The following PBX3 variants were observed in gnomAD, a reference collection of about 807,000 sequenced individuals.
PBX3 encodes PBX homeobox 3.
Under a neutral mutation model 48.5 loss-of-function variants are expected in PBX3, and 14 were observed. The ratio of observed to expected loss-of-function variants is 0.29; its 90% CI spans 0.19 to 0.45. PBX3 has a LOEUF of 0.45. Among genes scored for constraint, PBX3 ranks in the 20% least tolerant of loss-of-function variants. The probability of loss-of-function intolerance (pLI) is 1.00; values close to 1 mark genes in which losing one functional copy is unlikely to be tolerated. For synonymous variants in PBX3, 210 were observed against 200.3 expected, an observed-to-expected ratio of 1.05 and a Z score of -0.41; for missense variants, 386 against 546.7, an observed-to-expected ratio of 0.71 and a Z score of 2.93.
chr9:125,935,957 C>T (rs1841826532), intron 5 of PBX3, among the ~76,000 whole-genome samples: 1 of 152,186 alleles, frequency 6.6e-6, no homozygotes, highest in Admixed American at 6.5e-5. Context: ...ACCTAAGCTT[C>T]TACCAGCAAG....
At chr9:125,895,292 G>T (rs551895573) in intron 2 of PBX3, among the ~76,000 whole-genome samples, 1 of 152,146 alleles carries the variant, frequency 6.6e-6, no homozygotes. Context: ...TGTTATTTAA[G>T]AATGTACACA....
intron 2 of PBX3, among the ~76,000 whole-genome samples, chr9:125,860,761 C>T (rs929618218): frequency 8.6e-5 from 13 of 151,604 alleles, no homozygotes; most frequent in Admixed American, 8.5e-4. Context: ...TTGGCAGGCA[C>T]CTGTAGTCGT....
At chr9:125,833,173 T>G (rs1393488390) in intron 2 of PBX3, among the ~76,000 whole-genome samples, 1 of 152,022 alleles carries the variant, frequency 6.6e-6, no homozygotes, top group East Asian at 1.9e-4. Context: ...TCCTGCAATA[T>G]GCTAAGAATG....
intron 2 of PBX3, among the ~76,000 whole-genome samples, chr9:125,879,905 A>G (rs997450602): frequency 2.6e-5 from 4 of 152,190 alleles, no homozygotes; most frequent in Non-Finnish European, 5.9e-5. Flanking sequence ...TCTCTGGGAA[A>G]GTCCTTAGAT....
At chr9:125,876,541 T>C (rs1228130285) in intron 2 of PBX3, among the ~76,000 whole-genome samples, 1 of 152,220 alleles carries the variant, frequency 6.6e-6, no homozygotes, top group African/African-American at 2.4e-5. Context: ...AATAACATTT[T>C]ATTTTCTGTA....
intron 2 of PBX3, among the ~76,000 whole-genome samples, chr9:125,776,348 G>C (rs561934514): frequency 2.0e-5 from 3 of 151,984 alleles, no homozygotes; most frequent in South Asian, 2.1e-4. Context: ...TCCTTGATTG[G>C]TTTTGTGTGT....
intron 3 of PBX3, among the ~76,000 whole-genome samples, chr9:125,927,179 C>G (rs1841596666): frequency 6.6e-6 from 1 of 152,166 alleles, no homozygotes; most frequent in African/African-American, 2.4e-5. Context: ...CAACATAACT[C>G]TCACTCTTGA....
At chr9:125,807,695 A>T (rs1372597865) in intron 2 of PBX3, among the ~76,000 whole-genome samples, 1 of 151,266 alleles carries the variant, frequency 6.6e-6, no homozygotes, top group Non-Finnish European at 1.5e-5. Flanking sequence ...TGTTAGAAAC[A>T]TGTTTTTTTT....
rs188484849 is a variant in PBX3, at chr9:125,944,294, G to A, written c.843+8687G>A. Among the ~76,000 whole-genome samples the A allele has an allele frequency of 5.3e-5, 8 of 152,336 alleles. No individual in the cohort carries two copies. The East Asian group carries it at 1.3e-3, about 26-fold the overall frequency. Reference sequence around the variant, plus strand: ...TTTTTCTAAAATAAGTGTGGGTTTTGAGAGTAGAAACTACAGTTTAAATAA... The same window carrying A: ...TTTTTCTAAAATAAGTGTGGGTTTTAAGAGTAGAAACTACAGTTTAAATAA... On this transcript the variant is annotated intron_variant, in intron 5 of 8. Coordinates refer to ENST00000373489, the MANE Select transcript of PBX3 (RefSeq NM_006195.6).
chr9:125,957,856 C>G (rs1463321952), intron 5 of PBX3, among the ~76,000 whole-genome samples: 1 of 152,180 alleles, frequency 6.6e-6, no homozygotes, highest in Non-Finnish European at 1.5e-5. Context: ...ATATTTAACT[C>G]TTTCTAAGGC....
intron 2 of PBX3, among the ~76,000 whole-genome samples, chr9:125,856,380 A>G (rs1383908570): frequency 6.6e-6 from 1 of 152,178 alleles, no homozygotes; most frequent in Non-Finnish European, 1.5e-5. Context: ...TGATACAGTT[A>G]TTGACTCTAA....
rs796994658 is a variant in PBX3, at chr9:125,946,411, A to G, written c.843+10804A>G. Among the ~76,000 whole-genome samples the G allele has an allele frequency of 1.4e-3, 206 of 152,310 alleles. 1 individual carries two copies. The highest frequency in any genetic ancestry group is 4.7e-3 in the African/African-American group (195 of 41,570). On this transcript the variant is annotated intron_variant, in intron 5 of 8. Coordinates refer to ENST00000373489, the MANE Select transcript of PBX3 (RefSeq NM_006195.6). Reference sequence around the variant, plus strand: ...CAGAAACCAGCAGAAACAACAGACAATAGAAACAGACTCACAACAGTATAG... The same window carrying G: ...CAGAAACCAGCAGAAACAACAGACAGTAGAAACAGACTCACAACAGTATAG...
intron 5 of PBX3, among the ~76,000 whole-genome samples, chr9:125,957,548 C>T (rs1240691157): frequency 6.6e-6 from 1 of 152,192 alleles, no homozygotes; most frequent in African/African-American, 2.4e-5. Flanking sequence ...AGGATTCTTA[C>T]ATATCTAGAG....
Position 125,942,720 on chromosome 9 carries a change from G to A in PBX3, c.843+7113G>A, listed in dbSNP as rs1841981877. Among the ~76,000 whole-genome samples the A allele has an allele frequency of 2.6e-5, 4 of 152,266 alleles. No individual in the cohort carries two copies. In the South Asian group the frequency reaches 8.3e-4, roughly 32 times the overall value. On this transcript the variant is annotated intron_variant, in intron 5 of 8. Coordinates refer to ENST00000373489, the MANE Select transcript of PBX3 (RefSeq NM_006195.6). ...TTTTGTTAAAACGGTTCTTTCACAT[G>A]TCTTAAAAGAAGGCTACAGACCCTC...
intron 2 of PBX3, among the ~76,000 whole-genome samples, chr9:125,874,371 A>G (rs550525047): frequency 1.4e-4 from 21 of 152,188 alleles, no homozygotes; most frequent in South Asian, 6.2e-4. Flanking sequence ...TGAAATAGGT[A>G]ACAATACAAG....
chr9:125,951,671 A>T (rs1252416993), intron 5 of PBX3, among the ~76,000 whole-genome samples: 1 of 152,236 alleles, frequency 6.6e-6, no homozygotes, highest in Non-Finnish European at 1.5e-5. Flanking sequence ...CAACAGCCCC[A>T]TGAGAAGGAG....
chr9:125,766,728 T>G (rs1231306605), intron 2 of PBX3, among the ~76,000 whole-genome samples: 1 of 152,168 alleles, frequency 6.6e-6, no homozygotes, highest in African/African-American at 2.4e-5. Context: ...CATTTTAGAC[T>G]GTACAGTTTC....
At chr9:125,910,971 A>C (rs1011798368) in intron 2 of PBX3, among the ~76,000 whole-genome samples, 1 of 151,936 alleles carries the variant, frequency 6.6e-6, no homozygotes. Flanking sequence ...ATTTTCAGTC[A>C]GTCCTTACTT....
chr9:125,895,143 A>T (rs1840739962), intron 2 of PBX3, among the ~76,000 whole-genome samples: 2 of 152,098 alleles, frequency 1.3e-5, no homozygotes, highest in Non-Finnish European at 1.5e-5. Flanking sequence ...GTGTTTATAC[A>T]TCCACCTAGA....
Sources: gnomAD v4.1 joint callset for allele counts (sites outside exome capture counted in the v4.1 genomes callset) on GRCh38, gnomAD v4.1.1 for gene constraint, MANE v1.5 for transcripts, NCBI Gene and HGNC (gene_info 2026-07-23, HGNC 2026-07-21) for gene names.